Variants in ZNF804B observed in about 807,000 individuals in gnomAD.
The protein encoded by ZNF804B is zinc finger 804B.
Under a neutral mutation model 101.4 loss-of-function variants are expected in ZNF804B, and 80 were observed. That is an observed-to-expected ratio of 0.79 (90% confidence interval 0.66 to 0.95). ZNF804B has a LOEUF of 0.95. Ranked by LOEUF, ZNF804B falls within the 40% of genes least tolerant of loss-of-function variation. The probability of loss-of-function intolerance (pLI) is 0.00; values close to 1 mark genes in which losing one functional copy is unlikely to be tolerated. For missense variants in ZNF804B, 1,673 were observed against 1,561.9 expected (o/e 1.07, Z -1.20); for synonymous variants, 622 against 558.8 (o/e 1.11, Z -1.59).
intron 1 of ZNF804B, among the ~76,000 whole-genome samples, chr7:88,912,189 T>C (rs1028069948): frequency 6.6e-6 from 1 of 152,044 alleles, no homozygotes. Flanking sequence ...ACAATTGTTG[T>C]TGCTAGTCTT....
intron 1 of ZNF804B, among the ~76,000 whole-genome samples, chr7:89,088,565 G>C (rs965448189): frequency 1.3e-5 from 2 of 149,726 alleles, no homozygotes; most frequent in Non-Finnish European, 3.0e-5. Context: ...ATCGCCCTAG[G>C]TCCTTGCACT....
At chr7:89,034,101 A>C (rs1449355116) in intron 1 of ZNF804B, among the ~76,000 whole-genome samples, 1 of 152,136 alleles carries the variant, frequency 6.6e-6, no homozygotes, top group Non-Finnish European at 1.5e-5. Flanking sequence ...ATTGAATCCC[A>C]GCTGAAGAAT....
chr7:88,857,341 C>T (rs1465007245), intron 1 of ZNF804B, among the ~76,000 whole-genome samples: 1 of 151,920 alleles, frequency 6.6e-6, no homozygotes, highest in African/African-American at 2.4e-5. Flanking sequence ...TTTTGAAAAG[C>T]TCAACGAAAT....
chr7:88,767,847 G>A (rs534002428), intron 1 of ZNF804B, among the ~76,000 whole-genome samples: 1 of 152,182 alleles, frequency 6.6e-6, no homozygotes, highest in African/African-American at 2.4e-5. Flanking sequence ...CATTGCAGAC[G>A]CTGTTCCCTC....
At chr7:88,824,128 G>A (rs1759052375) in intron 1 of ZNF804B, among the ~76,000 whole-genome samples, 1 of 152,286 alleles carries the variant, frequency 6.6e-6, no homozygotes, top group South Asian at 2.1e-4. Flanking sequence ...ATTTTTCTGA[G>A]AGCATTAGAA....
At chr7:89,204,071 A>G (rs542677129) in intron 1 of ZNF804B, among the ~76,000 whole-genome samples, 1 of 152,322 alleles carries the variant, frequency 6.6e-6, no homozygotes, top group East Asian at 1.9e-4. Context: ...TGACTCTCAC[A>G]AATTTTAAAT....
In ZNF804B at chr7:89,097,711, A is replaced by G. The variant is rs78275273; in HGVS notation, c.109-120444A>G. Among the ~76,000 whole-genome samples, 80 of 152,334 alleles carry G rather than the reference A, an allele frequency of 5.3e-4. 1 individual carries two copies. The East Asian group carries it at 0.015, about 28-fold the overall frequency. ...CCTATCAAAACATTAAAAAATTATAATACAGGACTCTGATTATGTTACTGT... is the reference window on the plus strand; with the variant it reads ...CCTATCAAAACATTAAAAAATTATAGTACAGGACTCTGATTATGTTACTGT... On this transcript the variant is annotated intron_variant, in intron 1 of 3. Coordinates refer to ENST00000333190, the MANE Select transcript of ZNF804B (RefSeq NM_181646.5).
Position 89,193,729 on chromosome 7 carries a change from T to G in ZNF804B, c.109-24426T>G, listed in dbSNP as rs1199900833. Among the ~76,000 whole-genome samples, 4 of 152,258 alleles carry G rather than the reference T, an allele frequency of 2.6e-5. No individual in the cohort carries two copies. The South Asian group carries it at 8.3e-4, about 32-fold the overall frequency. ...GTCTATCACTGTTGGACATTTGGGTTGATTCCAAGTCTTTGCTATTGTGAA... is the reference window on the plus strand; with the variant it reads ...GTCTATCACTGTTGGACATTTGGGTGGATTCCAAGTCTTTGCTATTGTGAA... On this transcript the variant is annotated intron_variant, in intron 1 of 3. Coordinates refer to ENST00000333190, the MANE Select transcript of ZNF804B (RefSeq NM_181646.5).
At chr7:88,846,976 A>T (rs1791382874) in intron 1 of ZNF804B, among the ~76,000 whole-genome samples, 1 of 151,946 alleles carries the variant, frequency 6.6e-6, no homozygotes, top group Admixed American at 6.6e-5. Flanking sequence ...ACTTAAGGAT[A>T]TACAGTAATT....
chr7:89,162,828 C>T (rs1003929115), intron 1 of ZNF804B, among the ~76,000 whole-genome samples: 5 of 109,590 alleles, frequency 4.6e-5, no homozygotes, highest in African/African-American at 1.6e-4. Context: ...CAACAGTCCC[C>T]AGAGTGTGAT....
intron 1 of ZNF804B, among the ~76,000 whole-genome samples, chr7:88,772,369 G>A (rs1052426326): frequency 1.3e-5 from 2 of 152,276 alleles, no homozygotes; most frequent in South Asian, 2.1e-4. Flanking sequence ...ATCACACTCT[G>A]TTTAAATCTC....
intron 1 of ZNF804B, among the ~76,000 whole-genome samples, chr7:88,920,755 G>A (rs1376336561): frequency 6.6e-6 from 1 of 151,860 alleles, no homozygotes; most frequent in African/African-American, 2.4e-5. Flanking sequence ...TCATTTTATA[G>A]ATACAGATAT....
At chr7:88,872,932 G>T (rs553135524) in intron 1 of ZNF804B, among the ~76,000 whole-genome samples, 37 of 151,884 alleles carry the variant, frequency 2.4e-4, no homozygotes, top group East Asian at 1.4e-3. Context: ...ATAAATATAC[G>T]TGTGCATGTG....
intron 1 of ZNF804B, among the ~76,000 whole-genome samples, chr7:88,827,556 A>C (rs2115774222): frequency 6.6e-6 from 1 of 151,970 alleles, no homozygotes; most frequent in Non-Finnish European, 1.5e-5. Context: ...TTATGTCTTT[A>C]GTTTTTGCCA....
chr7:89,083,355 A>C (rs1056349956), intron 1 of ZNF804B, among the ~76,000 whole-genome samples: 24 of 151,834 alleles, frequency 1.6e-4, no homozygotes, highest in African/African-American at 5.8e-4. Context: ...GTTTATAATC[A>C]TATCTGTTAA....
intron 1 of ZNF804B, among the ~76,000 whole-genome samples, chr7:89,004,615 A>G (rs1332677243): frequency 6.6e-6 from 1 of 151,742 alleles, no homozygotes; most frequent in African/African-American, 2.4e-5. Context: ...TCTTCCATCA[A>G]TTTTTGCTTC....
At chr7:89,026,017 T>C (rs1788745647) in intron 1 of ZNF804B, among the ~76,000 whole-genome samples, 1 of 152,098 alleles carries the variant, frequency 6.6e-6, no homozygotes, top group African/African-American at 2.4e-5. Flanking sequence ...AACCACAACT[T>C]CCTTCTCCTT....
intron 1 of ZNF804B, among the ~76,000 whole-genome samples, chr7:88,819,662 ATAAAAT>A (rs1790945063): frequency 6.6e-6 from 1 of 152,202 alleles, no homozygotes; most frequent in African/African-American, 2.4e-5. Flanking sequence ...AAATCCACAA[ATAAAAT>A]TAAAAAACTA....
At chr7:89,249,677 A>G (rs1261568852) in intron 2 of ZNF804B, among the ~76,000 whole-genome samples, 1 of 152,196 alleles carries the variant, frequency 6.6e-6, no homozygotes, top group Non-Finnish European at 1.5e-5. Flanking sequence ...GCCTACCACA[A>G]AAAAGTTAGA....
Sources: allele counts gnomAD v4.1 joint callset (sites outside exome capture counted in the v4.1 genomes callset), GRCh38; gene constraint gnomAD v4.1.1; transcripts MANE v1.5; gene names NCBI Gene and HGNC (gene_info 2026-07-23, HGNC 2026-07-21).